Variants in CTDP1 observed in about 807,000 individuals in gnomAD.
The protein encoded by CTDP1 is RNA polymerase II subunit A C-terminal domain phosphatase.
Under a neutral mutation model 91.8 loss-of-function variants are expected in CTDP1, and 47 were observed. The ratio of observed to expected loss-of-function variants is 0.51; its 90% confidence interval spans 0.41 to 0.65. The LOEUF (loss-of-function observed/expected upper bound fraction) is 0.65. CTDP1 is among the 30% of genes least tolerant of loss of function. The pLI is 0.00. For missense variants in CTDP1, 1,272 were observed against 1,373.7 expected, an observed-to-expected ratio of 0.93 and a Z score of 1.17; for synonymous variants, 656 against 598.5, an observed-to-expected ratio of 1.10 and a Z score of -1.40.
intron 8 of CTDP1, among the ~76,000 whole-genome samples, chr18:79,716,982 C>T (rs1191767979): frequency 6.6e-6 from 1 of 152,120 alleles, no homozygotes; most frequent in African/African-American, 2.4e-5. Flanking sequence ...CGGGTGAGGG[C>T]CCTGGTGGGG....
At chr18:79,722,833 T>A (rs1568203218) in intron 10 of CTDP1, among the ~76,000 whole-genome samples, 1 of 152,218 alleles carries the variant, frequency 6.6e-6, no homozygotes, top group Non-Finnish European at 1.5e-5. Flanking sequence ...CGGCAGGAGT[T>A]CTGCGGGGCC....
rs561438481 is a variant in CTDP1, at chr18:79,713,867, G to A, written c.1031-624G>A. 4.6e-5 allele frequency among the ~76,000 whole-genome samples: 7 copies of A among 151,740 alleles called. No individual in the cohort carries two copies. Among genetic ancestry groups the A allele is most frequent in the African/African-American group, 1.7e-4 (7 of 41,358 alleles). On this transcript the variant is annotated intron_variant, in intron 7 of 12. Coordinates refer to ENST00000613122, the MANE Select transcript of CTDP1 (RefSeq NM_004715.5). This position sits in a 1 kb window ranked among gnomAD's most constrained non-coding sequence, Gnocchi z 4.7. ...ATCCGGGGCTTACAGTCACGGTGGC[G>A]CCAGGTCTGCAGGGGCTTACGGCCA...
At position 79,708,403 on chromosome 18, in the gene CTDP1, G is replaced by A. The variant is rs2122583157; in HGVS notation, c.773-1943G>A. Among the ~76,000 whole-genome samples, 3 of 152,364 alleles carry A rather than the reference G, an allele frequency of 2.0e-5. No individual in the cohort carries two copies. In the South Asian group the frequency reaches 6.2e-4, roughly 32 times the overall value. On this transcript the variant is annotated intron_variant, in intron 5 of 12. Transcript: ENST00000613122. The stretch of plus-strand genomic sequence containing the variant: ...GTAGGGATGGGTGCAGGGAGTAGTT[G>A]ATTAAAAGCCAGCGTGAAAACAATA...
rs1002470521 is a variant in CTDP1 at position 79,753,957 on chromosome 18, A to G, written c.*167A>G. ...TTATTTTGCAGAAATAGGTGTTTTT[A>G]AGAAGTTTTACTACAGGAATGTCTA... On this transcript the variant is annotated 3_prime_UTR_variant, in exon 13 of 13. Coordinates refer to ENST00000613122, the MANE Select transcript of CTDP1 (RefSeq NM_004715.5). The G allele has an allele frequency of 1.3e-5, 13 of 969,660 alleles. No individual in the cohort carries two copies. The highest frequency in any genetic ancestry group is 4.9e-5 in the African/African-American group (3 of 61,506). 60.1% of individuals were successfully genotyped at this position (969,660 alleles called of 1,614,324 possible).
At position 79,717,543 on chromosome 18, in the gene CTDP1, A is replaced by G; in HGVS notation, c.2077A>G (p.Lys693Glu). Residue 693 changes from lysine (K) to glutamate (E), a missense_variant, in exon 9 of 13, where the codon AAG becomes GAG. Around this residue, in one of 3 missense-constraint regions of CTDP1, gnomAD observed 881 missense variants for 911.6 expected, o/e 0.97. Transcript: ENST00000613122. ...AGCCGGGTCTCCTGCAGGCACAGAG[A>G]AGGTGCTGCAGGCACAGGAGTGCGG... The part of the protein sequence containing the change: ...HLIAARAGTE[K>E]VLQAQECGHL... 1 of 1,613,260 alleles carries G rather than the reference A, an allele frequency of 6.2e-7. No homozygotes were observed. Among genetic ancestry groups the G allele is most frequent in the Non-Finnish European group, 8.5e-7 (1 of 1,179,868 alleles).
intron 11 of CTDP1, among the ~76,000 whole-genome samples, chr18:79,731,240 G>T (rs2086560148): frequency 6.6e-6 from 1 of 152,216 alleles, no homozygotes; most frequent in South Asian, 2.1e-4. Context: ...GCCCGTCAGG[G>T]GGCCTTTGAG....
chr18:79,694,120 T>G (rs1410067342), intron 1 of CTDP1, among the ~76,000 whole-genome samples: 74 of 146,818 alleles, frequency 5.0e-4, no homozygotes, highest in African/African-American at 1.8e-3. Flanking sequence ...TGTCCGCGGG[T>G]CAGGGTGGTC....
rs150267608 is a variant in CTDP1 at position 79,729,352 on chromosome 18, C to T, written c.2580+283C>T. Among the ~76,000 whole-genome samples, 34 of 152,324 alleles carry T rather than the reference C, an allele frequency of 2.2e-4. No individual in the cohort carries two copies. In the East Asian group the frequency reaches 5.8e-3, roughly 26 times the overall value. On this transcript the variant is annotated intron_variant, in intron 11 of 12. Coordinates refer to ENST00000613122, the MANE Select transcript of CTDP1 (RefSeq NM_004715.5). ...CCTGCGTCTTCACCAGGACCGATGC[C>T]GCCCAGCCCCTCCGGCTCTCCCGGC...
At chr18:79,727,812 A>C (rs2086481278) in intron 10 of CTDP1, among the ~76,000 whole-genome samples, 1 of 152,130 alleles carries the variant, frequency 6.6e-6, no homozygotes, top group Non-Finnish European at 1.5e-5. Context: ...TTGGTCATCC[A>C]GGGAAGAACC....
intron 10 of CTDP1, among the ~76,000 whole-genome samples, chr18:79,723,160 A>C (rs1406929273): frequency 6.6e-6 from 1 of 152,156 alleles, no homozygotes. Flanking sequence ...CCTGCAGCCC[A>C]GTTCCCCCAT....
At chr18:79,728,067 T>A in intron 10 of CTDP1, among the ~76,000 whole-genome samples, 1 of 152,218 alleles carries the variant, frequency 6.6e-6, no homozygotes, top group Middle Eastern at 3.2e-3. Flanking sequence ...AATATTTAAC[T>A]ATACAAGCAC....
At position 79,746,267 on chromosome 18, in the gene CTDP1, G is replaced by GAC. The variant is rs2086877227; in HGVS notation, c.2748-7385_2748-7384insAC. 6.1e-4 allele frequency among the ~76,000 whole-genome samples: 5 copies of GAC among 8,222 alleles called. 1 individual carries two copies. The highest frequency in any genetic ancestry group is 2.5e-3 in the Admixed American group (2 of 812). 5.4% of individuals were successfully genotyped at this position (8,222 alleles called of 152,430 possible). ...CGCGTCCCTCCCGTGCGCGTTCTGT[G>GAC]CCCGCGTCCCTCCCGTGCGCGTTCT... On this transcript the variant is annotated intron_variant, in intron 12 of 12. Coordinates refer to ENST00000613122, the MANE Select transcript of CTDP1 (RefSeq NM_004715.5).
Position 79,702,332 on chromosome 18 carries a change from A to G in CTDP1, c.622-2435A>G, listed in dbSNP as rs572580107. On this transcript the variant is annotated intron_variant, in intron 4 of 12. Coordinates refer to ENST00000613122, the MANE Select transcript of CTDP1 (RefSeq NM_004715.5). ...AGACTATGACTTGCTGAAGGTTCAG[A>G]TGGTTGTTAGCATTTTTTAATCATA... Among the ~76,000 whole-genome samples, 5 of 152,184 alleles carry G rather than the reference A, an allele frequency of 3.3e-5. No individual in the cohort carries two copies. In the East Asian group the frequency reaches 7.7e-4, roughly 24 times the overall value.
At chr18:79,722,266 C>T (rs879926384) in intron 10 of CTDP1, among the ~76,000 whole-genome samples, 8 of 152,290 alleles carry the variant, frequency 5.3e-5, no homozygotes, top group Non-Finnish European at 1.2e-4. Context: ...CAGCCGATAA[C>T]TGTGTATGTG....
chr18:79,695,335 T>C (rs752156185), intron 2 of CTDP1, 27 bp downstream of exon 2: 10 of 1,605,706 alleles, frequency 6.2e-6, no homozygotes, highest in Non-Finnish European at 8.5e-7. Flanking sequence ...GTGAGATCGC[T>C]GCCTGCTGGG....
intron 10 of CTDP1, among the ~76,000 whole-genome samples, chr18:79,721,625 G>T (rs1017214979): frequency 2.0e-5 from 3 of 152,068 alleles, no homozygotes; most frequent in Non-Finnish European, 4.4e-5. Flanking sequence ...GGGGTGGCTC[G>T]CACTGTAGTC....
At chr18:79,728,685 G>T (rs902760084) in intron 10 of CTDP1, among the ~76,000 whole-genome samples, 1 of 77,668 alleles carries the variant, frequency 1.3e-5, no homozygotes, top group African/African-American at 2.9e-5. Context: ...TTTTCCACAG[G>T]ATAGTCAGAA....
intron 11 of CTDP1, among the ~76,000 whole-genome samples, chr18:79,729,436 C>T (rs2086519925): frequency 6.6e-6 from 1 of 152,176 alleles, no homozygotes; most frequent in Non-Finnish European, 1.5e-5. Context: ...AAGGGGTGAC[C>T]CTGGGGCCGG....
chr18:79,682,341 C>T (rs115228002), intron 1 of CTDP1, among the ~76,000 whole-genome samples: 2,876 of 152,280 alleles, frequency 0.019, 100 homozygotes, highest in African/African-American at 0.065. Flanking sequence ...GTTACAAGTG[C>T]GTTTCTCTGG....
Sources: gnomAD v4.1 joint callset for allele counts (sites outside exome capture counted in the v4.1 genomes callset) on GRCh38, gnomAD v4.1.1 for gene constraint, gnomAD v4.1.1 regional missense constraint, Gnocchi (gnomAD v3.1) non-coding constraint, MANE v1.5 for transcripts, NCBI Gene and HGNC (gene_info 2026-07-23, HGNC 2026-07-21) for gene names.